TPD52: variants seen among roughly 807,000 people sequenced by gnomAD.
TPD52 encodes prostate and colon associated protein.
Under a neutral mutation model 31.3 loss-of-function variants are expected in TPD52, and 17 were observed. That is an observed-to-expected ratio of 0.54 (90% CI 0.37 to 0.82). The LOEUF (loss-of-function observed/expected upper bound fraction) is 0.82, where lower values mean the gene tolerates loss of function less well. TPD52 is among the 40% of genes least tolerant of loss of function. TPD52 has a pLI of 0.00. For synonymous variants in TPD52, 83 were observed against 89.6 expected (o/e 0.93, Z 0.42); for missense variants, 212 against 240.1 (o/e 0.88, Z 0.77).
chr8:80,081,334 C>T (rs774536583), intron 1 of TPD52, among the ~76,000 whole-genome samples: 3 of 152,060 alleles, frequency 2.0e-5, no homozygotes, highest in Non-Finnish European at 4.4e-5. Flanking sequence ...AAGGACTGGG[C>T]CACAGCTAGC....
In TPD52 at chr8:80,118,452, CTT is replaced by C. The variant is rs1408522247; in HGVS notation, c.19+52971_19+52972del. ...AATTGGACATCATCAACATTAAAAT[CTT>C]TTATGCTTCAAGCACACCGTCAACG... is the stretch of plus-strand genomic sequence containing the variant. On this transcript the variant is annotated intron_variant, in intron 1 of 7. Coordinates refer to ENST00000518937, the MANE Select transcript of TPD52 (RefSeq NM_001025253.3). Among the ~76,000 whole-genome samples the C allele has an allele frequency of 4.6e-5, 7 of 152,176 alleles. No individual in the cohort carries two copies. The East Asian group carries it at 1.3e-3, about 29-fold the overall frequency.
intron 3 of TPD52, chr8:80,053,073 T>C: frequency 4.4e-6 from 2 of 453,422 alleles, no homozygotes; most frequent in Non-Finnish European, 3.8e-6. Flanking sequence ...CTGGCTAGCT[T>C]TCTTTCTATT....
intron 5 of TPD52, among the ~76,000 whole-genome samples, chr8:80,047,834 C>T (rs545430265): frequency 4.6e-5 from 7 of 152,108 alleles, no homozygotes; most frequent in African/African-American, 7.2e-5. Context: ...AAGAAACACA[C>T]ATTTAAAAAG....
chr8:80,070,812 T>C (rs1471351023), intron 1 of TPD52, among the ~76,000 whole-genome samples: 1 of 152,232 alleles, frequency 6.6e-6, no homozygotes, highest in African/African-American at 2.4e-5. Context: ...TGAACTCTGC[T>C]GCCTTTAAAG....
chr8:80,097,882 T>C (rs997698411), intron 1 of TPD52, among the ~76,000 whole-genome samples: 2 of 152,228 alleles, frequency 1.3e-5, no homozygotes, highest in African/African-American at 2.4e-5. Context: ...AATGCTTCAA[T>C]GGACAGGCTG....
chr8:80,042,309 T>C, intron 7 of TPD52: 1 of 985,460 alleles, frequency 1.0e-6, no homozygotes, highest in Non-Finnish European at 1.2e-6. Context: ...AAAGTTATAT[T>C]AAATTTTGTC....
rs1425863682 is a variant in TPD52 at position 80,042,146 on chromosome 8, TTACTGA to T, written c.504+468_504+473del. The stretch of plus-strand genomic sequence containing the variant: ...TGCACATAATATTGAAAGAGAATAC[TTACTGA>T]TACAGGAAAATGATTATGATGTATG... On this transcript the variant is annotated intron_variant, in intron 7 of 7. Transcript: ENST00000518937. 6 of 978,244 alleles carry T rather than the reference TTACTGA, an allele frequency of 6.1e-6. No homozygotes were observed. The African/African-American group carries it at 1.1e-4, about 17-fold the overall frequency. The allele number at this position is 978,244 out of a possible 1,614,324, so 60.6% of individuals were successfully genotyped here. A position where few individuals can be genotyped will look rare whatever the true frequency, so the allele number is the denominator to read the frequency against.
intron 2 of TPD52, among the ~76,000 whole-genome samples, chr8:80,057,446 G>A (rs763369076): frequency 6.6e-6 from 1 of 152,166 alleles, no homozygotes; most frequent in South Asian, 2.1e-4. Flanking sequence ...GGTGCCCACT[G>A]TCCAATGTGG....
In TPD52 at chr8:80,096,291, A is replaced by AACACACAC. The variant is rs34309218; in HGVS notation, c.20-31706_20-31699dup. On this transcript the variant is annotated intron_variant, in intron 1 of 7. Transcript: ENST00000518937. Reference sequence around the variant, plus strand: ...AAAGACTATCAAACACACACACACAAACACACACACACACACACACACACA... The same window carrying AACACACAC: ...AAAGACTATCAAACACACACACACAAACACACACACACACACACACACACACACACACA... Among the ~76,000 whole-genome samples the AACACACAC allele has an allele frequency of 3.2e-3, 466 of 146,902 alleles. 1 individual carries two copies. Among genetic ancestry groups the AACACACAC allele is most frequent in the South Asian group, 0.02 (95 of 4,662 alleles).
chr8:80,055,165 C>G (rs957943738), intron 2 of TPD52, among the ~76,000 whole-genome samples: 18 of 152,106 alleles, frequency 1.2e-4, no homozygotes, highest in African/African-American at 4.1e-4. Flanking sequence ...GTTTCCCACC[C>G]CTTAGCACTT....
chr8:80,108,596 T>C (rs2130967254), intron 1 of TPD52, among the ~76,000 whole-genome samples: 1 of 152,344 alleles, frequency 6.6e-6, no homozygotes, highest in South Asian at 2.1e-4. Flanking sequence ...CTCTGACAAG[T>C]ACTCTGGATA....
chr8:80,089,506 A>T (rs572939413), intron 1 of TPD52, among the ~76,000 whole-genome samples: 7 of 152,286 alleles, frequency 4.6e-5, no homozygotes, highest in African/African-American at 1.7e-4. Context: ...TCAGGGAAAA[A>T]GTTAGGGGCT....
chr8:80,163,747 C>T (rs1410244964), intron 1 of TPD52, among the ~76,000 whole-genome samples: 1 of 152,068 alleles, frequency 6.6e-6, no homozygotes, highest in Non-Finnish European at 1.5e-5. Context: ...TATCTTAAAA[C>T]AATTTCTCTT....
intron 1 of TPD52, chr8:80,066,894 C>A (rs1478714197): frequency 6.6e-6 from 1 of 152,168 alleles, no homozygotes; most frequent in African/African-American, 2.4e-5. Context: ...AACAGAGCTA[C>A]CTGTTAAACG....
chr8:80,063,960 C>G (rs57287594), intron 2 of TPD52, among the ~76,000 whole-genome samples: 84,682 of 120,968 alleles, frequency 0.7, 29,959 homozygotes, highest in African/African-American at 0.88. Context: ...AAAGAGAAGC[C>G]AGAAGGGGAA....
At chr8:80,103,173 G>C (rs1806868086) in intron 1 of TPD52, among the ~76,000 whole-genome samples, 1 of 152,110 alleles carries the variant, frequency 6.6e-6, no homozygotes, top group East Asian at 1.9e-4. Context: ...GGTGAGTCAT[G>C]GAAACCCCAA....
chr8:80,058,378 G>A (rs115256914), intron 2 of TPD52, among the ~76,000 whole-genome samples: 4 of 152,284 alleles, frequency 2.6e-5, no homozygotes, highest in African/African-American at 9.6e-5. Context: ...ATGAGCTTGC[G>A]GAAATTCAAA....
chr8:80,053,388 T>C lies in TPD52; in HGVS notation c.178A>G (p.Lys60Glu). ...IQTLSQVLAA[K>E]EKHLAEIKRK... ...TTGATCTCTGCTAGATGCTTCTCTT[T>C]TGCTGCTAACACTTGAGACAGAGTC... The change falls in exon 3 of 8, where the codon AAA becomes GAA. Residue 60 changes from lysine (K) to glutamate (E), a missense_variant. Physicochemically the swap from Lys to Glu is moderately conservative, Grantham distance 56. Transcript: ENST00000518937. 6.2e-7 allele frequency: 1 copy of C among 1,613,762 alleles called. No individual in the cohort carries two copies. The highest frequency in any genetic ancestry group is 8.5e-7 in the Non-Finnish European group (1 of 1,179,742).
chr8:80,076,913 C>A (rs558308646), intron 1 of TPD52, among the ~76,000 whole-genome samples: 1 of 152,242 alleles, frequency 6.6e-6, no homozygotes, highest in East Asian at 2.0e-4. Context: ...GTGATCTGCC[C>A]GCCTCAGACT....
Sources: gnomAD v4.1 joint callset for allele counts (sites outside exome capture counted in the v4.1 genomes callset) on GRCh38, gnomAD v4.1.1 for gene constraint, MANE v1.5 for transcripts, NCBI Gene and HGNC (gene_info 2026-07-23, HGNC 2026-07-21) for gene names.